The following DNAH10 variants were observed in gnomAD, a reference collection of about 807,000 sequenced individuals.
DNAH10 encodes the protein axonemal beta dynein heavy chain 10.
A neutral mutation model predicts 506.6 loss-of-function variants in DNAH10; 348 were observed. The ratio of observed to expected loss-of-function variants is 0.69; its 90% CI spans 0.63 to 0.75. DNAH10 has a LOEUF of 0.75. Among genes scored for constraint, DNAH10 ranks in the 30% least tolerant of loss-of-function variants. DNAH10 has a pLI of 0.00. For missense variants in DNAH10, 5,179 were observed against 5,787.1 expected, an observed-to-expected ratio of 0.89 and a Z score of 3.41; for synonymous variants, 2,059 against 2,198.6, an observed-to-expected ratio of 0.94 and a Z score of 1.78.
At chr12:123,869,028 G>A (rs1427397763) in intron 43 of DNAH10, among the ~76,000 whole-genome samples, 1 of 152,180 alleles carries the variant, frequency 6.6e-6, no homozygotes, top group Non-Finnish European at 1.5e-5. Flanking sequence ...CCCTCATCTT[G>A]GGGGCCTGAA....
Position 123,933,327 on chromosome 12 carries a change from C to G in DNAH10, c.13297-4C>G. The G allele has an allele frequency of 1.3e-6, 2 of 1,551,484 alleles. No homozygotes were observed. The highest frequency in any genetic ancestry group is 1.7e-6 in the Non-Finnish European group (2 of 1,145,778). Reference sequence around the variant, plus strand: ...TCCCAGCACTTGTCCTCTCTTCTCTCCAGGTGACCGAGAGCGAGCCCAGCG... The same window carrying G: ...TCCCAGCACTTGTCCTCTCTTCTCTGCAGGTGACCGAGAGCGAGCCCAGCG... On this transcript the variant is annotated splice_region_variant and splice_polypyrimidine_tract_variant and intron_variant, in intron 76 of 78. Coordinates refer to ENST00000673944, the MANE Select transcript of DNAH10 (RefSeq NM_001372106.1).
rs577912487 is a variant in DNAH10 at position 123,846,468 on chromosome 12, G to A, written c.5814+314G>A. 1.4e-4 allele frequency among the ~76,000 whole-genome samples: 21 copies of A among 152,272 alleles called. No homozygotes were observed. The highest frequency in any genetic ancestry group is 3.4e-3 in the Middle Eastern group (1 of 294). On this transcript the variant is annotated intron_variant, in intron 32 of 78. Coordinates refer to ENST00000673944, the MANE Select transcript of DNAH10 (RefSeq NM_001372106.1). The surrounding 1 kb of genome is among the most constrained non-coding windows in gnomAD (Gnocchi z 4.5). The stretch of plus-strand genomic sequence containing the variant: ...GGGCAAGTGTGATGTGGTTTTGCAC[G>A]TCTTGTGACAGCTTTTATTCCAGAA...
chr12:123,801,577 T>G, intron 16 of DNAH10, 145 bp downstream of exon 16: 2 of 1,010,856 alleles, frequency 2.0e-6, no homozygotes, highest in Non-Finnish European at 2.8e-6. Context: ...TTGCGGAACT[T>G]AGAACTGATC....
Position 123,931,969 on chromosome 12 carries a change from A to G in DNAH10, c.13157A>G (p.Asn4386Ser). 5 of 1,614,058 alleles carry G rather than the reference A, an allele frequency of 3.1e-6. No individual in the cohort carries two copies. Among genetic ancestry groups the G allele is most frequent in the Non-Finnish European group, 3.4e-6 (4 of 1,179,902 alleles). The change falls in exon 76 of 79, where the codon AAT becomes AGT. Residue 4386 changes from asparagine to serine, a missense_variant. Asn to Ser is a conservative substitution (Grantham distance 46, BLOSUM62 1). This residue lies in a region of DNAH10 where 4,844 missense variants were observed against 5,430.5 expected (regional missense o/e 0.89). Transcript: ENST00000673944. ...TTGGCTGGAGAAGTTGGAATGAGCA[A>G]TGAGTTAGATGATGTGGCCAGGTCT... ...RALAGEVGMS[N>S]ELDDVARSLF...
At chr12:123,874,926 C>T (rs375438536) in intron 46 of DNAH10, among the ~76,000 whole-genome samples, 2 of 152,206 alleles carry the variant, frequency 1.3e-5, no homozygotes, top group East Asian at 1.9e-4. Context: ...TCCATCCATC[C>T]GTTCATTAAT....
chr12:123,875,920 G>A, intron 47 of DNAH10, among the ~76,000 whole-genome samples: 1 of 152,184 alleles, frequency 6.6e-6, no homozygotes, highest in East Asian at 1.9e-4. Context: ...ACCTCACTGG[G>A]TTTTGGGAGG....
At position 123,926,103 on chromosome 12, in the gene DNAH10, AC is replaced by A; in HGVS notation, c.11922-533del. ...AAGAATTAGCCAGGCGTGGTGGTGC[AC>A]ACCTGTAGTCAAGCTACTAAGGAAG... On this transcript the variant is annotated intron_variant, in intron 68 of 78. Coordinates refer to ENST00000673944, the MANE Select transcript of DNAH10 (RefSeq NM_001372106.1). This position sits in a 1 kb window ranked among gnomAD's most constrained non-coding sequence, Gnocchi z 4.1. 6.6e-6 allele frequency: 1 copy of A among 152,246 alleles called. No homozygotes were observed. Among genetic ancestry groups the A allele is most frequent in the Non-Finnish European group, 1.5e-5 (1 of 68,136 alleles). The allele number at this position is 152,246 out of a possible 1,614,324, so 9.4% of individuals were successfully genotyped here. A position where few individuals can be genotyped will look rare whatever the true frequency, so the allele number is the denominator to read the frequency against.
At position 123,850,139 on chromosome 12, in the gene DNAH10, C is replaced by G. The variant is rs906583743; in HGVS notation, c.6103-749C>G. On this transcript the variant is annotated intron_variant, in intron 34 of 78. Coordinates refer to ENST00000673944, the MANE Select transcript of DNAH10 (RefSeq NM_001372106.1). The surrounding 1 kb of genome is among the most constrained non-coding windows in gnomAD (Gnocchi z 5.5). The stretch of plus-strand genomic sequence containing the variant: ...GTTTTGGGGGAGGCTGGCTGTCTTC[C>G]GGGCTGCCCTCTCGTTGGTGATGCA... Among the ~76,000 whole-genome samples the G allele has an allele frequency of 6.6e-6, 1 of 151,950 alleles. No homozygotes were observed. Among genetic ancestry groups the G allele is most frequent in the Admixed American group, 6.6e-5 (1 of 15,262 alleles).
At chr12:123,923,728 T>C (rs1347877364) in intron 65 of DNAH10, 35 bp from the exon 66 acceptor site, 1 of 1,492,206 alleles carries the variant, frequency 6.7e-7, no homozygotes, top group African/African-American at 1.4e-5. Context: ...AAATGAATTT[T>C]AAGAAATCAA....
At chr12:123,790,391 A>G (rs1455839912) in intron 11 of DNAH10, among the ~76,000 whole-genome samples, 1 of 152,230 alleles carries the variant, frequency 6.6e-6, no homozygotes, top group Non-Finnish European at 1.5e-5. Context: ...TTTGTCCAAT[A>G]TAAGTTCACC....
At chr12:123,879,135 G>C (rs1012555076) in intron 48 of DNAH10, 129 bp from the exon 49 acceptor site, 5 of 698,548 alleles carry the variant, frequency 7.2e-6, no homozygotes, top group Admixed American at 2.7e-5. Flanking sequence ...TGAGACTAGG[G>C]GGGCACGACT....
Position 123,818,964 on chromosome 12 carries a change from G to T in DNAH10, c.3795G>T (p.Glu1265Asp). ...CTCCTAATTAGCCTCCTGATGCAGA[G>T]AAAGAACTGGTTGATAAGATTGAGA... ...AMYNLFPPDA[E>D]KELVDKIESI... Residue 1265 changes from glutamate (E) to aspartate (D), a missense_variant, in exon 22 of 79, where the codon GAG becomes GAT. Physicochemically the swap from Glu to Asp is conservative, Grantham distance 45. Around this residue, in one of 3 missense-constraint regions of DNAH10, gnomAD observed 4,844 missense variants for 5,430.5 expected, o/e 0.89. Coordinates refer to ENST00000673944, the MANE Select transcript of DNAH10 (RefSeq NM_001372106.1). 6.2e-7 allele frequency: 1 copy of T among 1,602,454 alleles called. No individual in the cohort carries two copies. The highest frequency in any genetic ancestry group is 1.7e-5 in the Admixed American group (1 of 58,320).
intron 18 of DNAH10, among the ~76,000 whole-genome samples, chr12:123,806,982 A>G (rs900449089): frequency 2.6e-5 from 4 of 152,078 alleles, no homozygotes; most frequent in South Asian, 2.1e-4. Context: ...GTTAGCCAGG[A>G]TGGTTTCAAT....
At position 123,783,284 on chromosome 12, in the gene DNAH10, C is replaced by G. The variant is rs897196256; in HGVS notation, c.999+20C>G. ...CCTCAGGTAGTTTGTGCAGGGCTTT[C>G]AGAGAGCCCCGATCCAGGTCATGCT... On this transcript the variant is annotated intron_variant, in intron 7 of 78. Coordinates refer to ENST00000673944, the MANE Select transcript of DNAH10 (RefSeq NM_001372106.1). The G allele has an allele frequency of 2.5e-6, 4 of 1,611,748 alleles. No homozygotes were observed. The highest frequency in any genetic ancestry group is 2.5e-6 in the Non-Finnish European group (3 of 1,178,992).
Position 123,881,900 on chromosome 12 carries a change from C to A in DNAH10, c.8823+87C>A. Reference sequence around the variant, plus strand: ...GTGTACATATTGGAACAATCCACAGCAGATCATAGCATGATGTTTTCATAG... The same window carrying A: ...GTGTACATATTGGAACAATCCACAGAAGATCATAGCATGATGTTTTCATAG... On this transcript the variant is annotated intron_variant, in intron 51 of 78. Coordinates refer to ENST00000673944, the MANE Select transcript of DNAH10 (RefSeq NM_001372106.1). 4 of 1,211,826 alleles carry A rather than the reference C, an allele frequency of 3.3e-6. No individual in the cohort carries two copies. In the South Asian group the frequency reaches 7.3e-5, roughly 22 times the overall value. The allele number at this position is 1,211,826 out of a possible 1,614,324, so 75.1% of individuals were successfully genotyped here. A position where few individuals can be genotyped will look rare whatever the true frequency, so the allele number is the denominator to read the frequency against.
intron 64 of DNAH10, 107 bp from the exon 65 acceptor site, chr12:123,918,569 A>G: frequency 7.3e-7 from 1 of 1,361,220 alleles, no homozygotes; most frequent in South Asian, 1.9e-5. Flanking sequence ...GGATACTTTC[A>G]AAGCCCTGAA....
rs754924929 is a variant in DNAH10 at position 123,857,059 on chromosome 12, G to A, written c.6442G>A (p.Val2148Met). The change falls in exon 37 of 79, where the codon GTG becomes ATG. Residue 2148 changes from valine to methionine, a missense_variant. Physicochemically the swap from Val to Met is conservative, Grantham distance 21. Coordinates refer to ENST00000673944, the MANE Select transcript of DNAH10 (RefSeq NM_001372106.1). The stretch of plus-strand genomic sequence containing the variant: ...ACATGTGTTTCATTTCCTGCAGGAC[G>A]TGGTGCTGATGAGGGCCTTGCGAGA... ...KRGSSDLRED[V>M]VLMRALRDMN... 9 of 1,606,284 alleles carry A rather than the reference G, an allele frequency of 5.6e-6. No homozygotes were observed. The highest frequency in any genetic ancestry group is 5.1e-5 in the Admixed American group (3 of 58,824).
chr12:123,914,707 C>T, intron 61 of DNAH10, 145 bp from the exon 62 acceptor site: 1 of 1,399,078 alleles, frequency 7.1e-7, no homozygotes, highest in Non-Finnish European at 9.5e-7. Context: ...GCAAACCCAG[C>T]ACGGAGCCCT....
At chr12:123,889,002 C>A (rs1169059229) in intron 52 of DNAH10, among the ~76,000 whole-genome samples, 1 of 152,134 alleles carries the variant, frequency 6.6e-6, no homozygotes, top group Admixed American at 6.5e-5. Flanking sequence ...TCATTGAGCC[C>A]CAGCCTCCCA....
Sources: gnomAD v4.1 joint callset for allele counts (sites outside exome capture counted in the v4.1 genomes callset) on GRCh38, gnomAD v4.1.1 for gene constraint, gnomAD v4.1.1 regional missense constraint, Gnocchi (gnomAD v3.1) non-coding constraint, MANE v1.5 for transcripts, NCBI Gene and HGNC (gene_info 2026-07-23, HGNC 2026-07-21) for gene names.